The following GLDN variants were observed in gnomAD, a reference collection of about 807,000 sequenced individuals.
The protein encoded by GLDN is collomin.
In GLDN, 47 loss-of-function variants were observed where a neutral mutation model predicts 56.5. The ratio of observed to expected loss-of-function variants is 0.83; its 90% confidence interval spans 0.66 to 1.06. GLDN has a LOEUF of 1.06. Ranked by LOEUF, GLDN falls within the 50% of genes least tolerant of loss-of-function variation. GLDN has a pLI of 0.00. For missense variants in GLDN, 782 were observed against 714.3 expected, an observed-to-expected ratio of 1.09 and a Z score of -1.08; for synonymous variants, 332 against 278.8, an observed-to-expected ratio of 1.19 and a Z score of -1.90.
At position 51,401,375 on chromosome 15, in the gene GLDN, G is replaced by T. The variant is rs528113167; in HGVS notation, c.1028-218G>T. Reference sequence around the variant, plus strand: ...ACATAGTTCTCCCAGGAGCAGCCAGGCCAGTTCAATGCCTACCACATTTGA... The same window carrying T: ...ACATAGTTCTCCCAGGAGCAGCCAGTCCAGTTCAATGCCTACCACATTTGA... On this transcript the variant is annotated intron_variant, in intron 8 of 9. Coordinates refer to ENST00000335449, the MANE Select transcript of GLDN (RefSeq NM_181789.4). Among the ~76,000 whole-genome samples, 19 of 152,314 alleles carry T rather than the reference G, an allele frequency of 1.2e-4. No individual in the cohort carries two copies. The South Asian group carries it at 3.7e-3, about 30-fold the overall frequency.
At chr15:51,349,001 GT>G (rs2037028468) in intron 1 of GLDN, among the ~76,000 whole-genome samples, 2 of 152,100 alleles carry the variant, frequency 1.3e-5, no homozygotes, top group Admixed American at 1.3e-4. Context: ...GTTTTTTGTT[GT>G]TTTTTGCTGT....
chr15:51,359,159 C>A (rs1017444405), intron 1 of GLDN, among the ~76,000 whole-genome samples: 1 of 152,164 alleles, frequency 6.6e-6, no homozygotes, highest in African/African-American at 2.4e-5. Context: ...CCCCTCCAAG[C>A]CGTGGGAGGA....
At chr15:51,409,609 T>C (rs1049812974), downstream of GLDN, among the ~76,000 whole-genome samples, 3 of 152,220 alleles carry the variant, frequency 2.0e-5, no homozygotes, top group Non-Finnish European at 4.4e-5. Context: ...CATGGCATTG[T>C]CAATGTCCCA....
intron 1 of GLDN, among the ~76,000 whole-genome samples, chr15:51,342,627 G>GA (rs1198524500): frequency 1.3e-5 from 2 of 152,240 alleles, no homozygotes; most frequent in Non-Finnish European, 2.9e-5. Context: ...TAGATGCTGG[G>GA]AAAGTTGCCC....
intron 4 of GLDN, among the ~76,000 whole-genome samples, chr15:51,386,956 G>A (rs2037909312): frequency 6.6e-6 from 1 of 152,198 alleles, no homozygotes; most frequent in African/African-American, 2.4e-5. Context: ...AAGTATACAG[G>A]AGGAGGTGGG....
At chr15:51,372,702 A>G (rs1015967611) in intron 1 of GLDN, among the ~76,000 whole-genome samples, 7 of 152,136 alleles carry the variant, frequency 4.6e-5, no homozygotes, top group African/African-American at 1.7e-4. Context: ...TCTTCCTTAG[A>G]GACGGTTGAT....
intron 9 of GLDN, 76 bp from the exon 10 acceptor site, chr15:51,404,201 A>T: frequency 8.6e-7 from 1 of 1,163,294 alleles, no homozygotes; most frequent in Non-Finnish European, 1.2e-6. Context: ...AACTCAGTTT[A>T]ATAGAGGAGC....
intron 1 of GLDN, among the ~76,000 whole-genome samples, chr15:51,356,833 T>G (rs1275873470): frequency 1.3e-5 from 2 of 152,226 alleles, no homozygotes; most frequent in Non-Finnish European, 2.9e-5. Flanking sequence ...TCATCAATAT[T>G]ATTTTAGTAT....
At chr15:51,376,715 G>GT (rs1385055299) in intron 1 of GLDN, among the ~76,000 whole-genome samples, 3 of 152,086 alleles carry the variant, frequency 2.0e-5, no homozygotes, top group Non-Finnish European at 4.4e-5. Context: ...AAAATTTGGT[G>GT]TTTTTTGTTT....
intron 2 of GLDN, among the ~76,000 whole-genome samples, chr15:51,383,052 C>T (rs781255718): frequency 1.4e-4 from 21 of 152,166 alleles, no homozygotes; most frequent in East Asian, 5.8e-4. Flanking sequence ...ACTCCTGGGA[C>T]GGCCAAATCT....
At chr15:51,343,079 G>T (rs1386535942) in intron 1 of GLDN, among the ~76,000 whole-genome samples, 3 of 152,166 alleles carry the variant, frequency 2.0e-5, no homozygotes, top group Non-Finnish European at 4.4e-5. Flanking sequence ...TAATTAGAAA[G>T]ATTTCGGCTA....
At chr15:51,379,512 C>A (rs572249920) in intron 2 of GLDN, among the ~76,000 whole-genome samples, 1 of 152,344 alleles carries the variant, frequency 6.6e-6, no homozygotes, top group South Asian at 2.1e-4. Flanking sequence ...AATCACGGAT[C>A]AATGCTGCTG....
intron 5 of GLDN, among the ~76,000 whole-genome samples, chr15:51,396,189 G>T (rs1400870211): frequency 6.6e-6 from 1 of 152,180 alleles, no homozygotes; most frequent in East Asian, 1.9e-4. Context: ...CTAATTGCCT[G>T]CACGGCCCCT....
chr15:51,398,169 G>A lies in GLDN; in HGVS notation c.817+571G>A, dbSNP rs575349292. On this transcript the variant is annotated intron_variant, in intron 6 of 9. Transcript: ENST00000335449. ...CAAGGTCCCTCCAGGAGTAAGTGGC[G>A]GAGCTACGATTCAAACCCAGCTCTG... 7.9e-5 allele frequency among the ~76,000 whole-genome samples: 12 copies of A among 152,338 alleles called. No homozygotes were observed. The South Asian group carries it at 1.7e-3, about 21-fold the overall frequency.
chr15:51,400,139 A>G, intron 6 of GLDN, 53 bp from the exon 7 acceptor site: 1 of 1,534,068 alleles, frequency 6.5e-7, no homozygotes, highest in Non-Finnish European at 9.0e-7. Context: ...AAAGTCCAAC[A>G]AATCTCACTG....
chr15:51,346,980 C>T (rs549339789), intron 1 of GLDN, among the ~76,000 whole-genome samples: 4 of 152,078 alleles, frequency 2.6e-5, no homozygotes, highest in Admixed American at 6.6e-5. Context: ...GCGGGAGAAC[C>T]GCTTGAACCC....
intron 4 of GLDN, among the ~76,000 whole-genome samples, chr15:51,394,548 G>A (rs1189586684): frequency 6.6e-6 from 1 of 152,144 alleles, no homozygotes; most frequent in African/African-American, 2.4e-5. Flanking sequence ...GGGAGGCAGA[G>A]GTTGCAGTGA....
At chr15:51,370,351 G>A (rs2037490903) in intron 1 of GLDN, among the ~76,000 whole-genome samples, 1 of 152,014 alleles carries the variant, frequency 6.6e-6, no homozygotes, top group African/African-American at 2.4e-5. Flanking sequence ...AAATAACTAA[G>A]GTCAACCCCA....
At chr15:51,376,791 C>T (rs552307979) in intron 1 of GLDN, among the ~76,000 whole-genome samples, 2 of 152,284 alleles carry the variant, frequency 1.3e-5, no homozygotes, top group South Asian at 4.1e-4. Flanking sequence ...TAGGCCTACA[C>T]AGGGTCAGGA....
Sources: gnomAD v4.1 joint callset for allele counts (sites outside exome capture counted in the v4.1 genomes callset) on GRCh38, gnomAD v4.1.1 for gene constraint, MANE v1.5 for transcripts, NCBI Gene and HGNC (gene_info 2026-07-23, HGNC 2026-07-21) for gene names.